Variants in ARMC3 observed in about 807,000 individuals in gnomAD.
The protein encoded by ARMC3 is armadillo repeat containing 3.
ARMC3 carries 74 observed loss-of-function variants against 90.3 expected under a neutral mutation model. That is an observed-to-expected ratio of 0.82 (90% CI 0.68 to 0.99). The LOEUF (loss-of-function observed/expected upper bound fraction) is 0.99. Among genes scored for constraint, ARMC3 ranks in the 50% least tolerant of loss-of-function variants. The pLI, the probability that ARMC3 is intolerant of heterozygous loss-of-function variation, is 0.00. For synonymous variants in ARMC3, 334 were observed against 361.8 expected (o/e 0.92, Z 0.87); for missense variants, 958 against 1,042.8 (o/e 0.92, Z 1.12).
intron 16 of ARMC3, chr10:23,013,961 T>C: frequency 1.2e-6 from 1 of 851,086 alleles, no homozygotes; most frequent in East Asian, 3.0e-5. Flanking sequence ...ACTTTAATTA[T>C]TGAATGCTGT....
At chr10:22,937,527 G>T (rs1834158019) in intron 2 of ARMC3, among the ~76,000 whole-genome samples, 1 of 152,182 alleles carries the variant, frequency 6.6e-6, no homozygotes, top group African/African-American at 2.4e-5. Flanking sequence ...AAGTGGTGAA[G>T]ATGATCTAAG....
At chr10:22,990,250 C>A (rs1836643935) in intron 10 of ARMC3, among the ~76,000 whole-genome samples, 1 of 151,934 alleles carries the variant, frequency 6.6e-6, no homozygotes, top group Non-Finnish European at 1.5e-5. Flanking sequence ...TTAATCATTT[C>A]TCTTGATTTT....
intron 10 of ARMC3, chr10:22,997,238 A>G (rs957938835): frequency 6.6e-6 from 1 of 152,224 alleles, no homozygotes; most frequent in Non-Finnish European, 1.5e-5. Context: ...ACTGATTTAA[A>G]AATAAGGACA....
At chr10:23,008,528 T>A (rs938432514) in intron 15 of ARMC3, among the ~76,000 whole-genome samples, 154 bp downstream of exon 15, 1 of 152,204 alleles carries the variant, frequency 6.6e-6, no homozygotes, top group Non-Finnish European at 1.5e-5. Context: ...ATGGGAAAGA[T>A]CTCTGGAATA....
At position 22,982,844 on chromosome 10, in the gene ARMC3, T is replaced by C. The variant is rs138804993; in HGVS notation, c.1175+1144T>C. 8.9e-4 allele frequency among the ~76,000 whole-genome samples: 135 copies of C among 152,356 alleles called. No homozygotes were observed. In the Middle Eastern group the frequency reaches 0.01, roughly 12 times the overall value. On this transcript the variant is annotated intron_variant, in intron 10 of 18. Coordinates refer to ENST00000298032, the MANE Select transcript of ARMC3 (RefSeq NM_173081.5). ...CCCTCTGCCTCCATCACATACTTAA[T>C]AGTTCTTAGCCTTTCTTTCCCTTTC...
intron 8 of ARMC3, among the ~76,000 whole-genome samples, chr10:22,980,822 A>G (rs2131334733): frequency 6.6e-6 from 1 of 152,350 alleles, no homozygotes; most frequent in South Asian, 2.1e-4. Flanking sequence ...TTGATATAAG[A>G]CTATAAATTT....
At chr10:23,025,616 T>G (rs1186929678) in intron 16 of ARMC3, among the ~76,000 whole-genome samples, 1 of 152,104 alleles carries the variant, frequency 6.6e-6, no homozygotes, top group Non-Finnish European at 1.5e-5. Context: ...GAAAATCTAT[T>G]GTACTAAATG....
rs776371010 is a variant in ARMC3 at position 23,008,829 on chromosome 10, AT to A, written c.1947del (p.Phe649LeufsTer9). On this transcript the variant is annotated frameshift_variant, in exon 16 of 19. Coordinates refer to ENST00000298032, the MANE Select transcript of ARMC3 (RefSeq NM_173081.5). ...CAAATGACAAGAAAAAATAGTTATC[AT>A]TTTAGTGCTGGATTTGGATCTCCCA... ...SKEKNKKNSY[H>X]FSAGFGSPIE... 1 of 1,612,392 alleles carries A rather than the reference AT, an allele frequency of 6.2e-7. No individual in the cohort carries two copies. The highest frequency in any genetic ancestry group is 8.5e-7 in the Non-Finnish European group (1 of 1,178,940).
intron 2 of ARMC3, among the ~76,000 whole-genome samples, chr10:22,939,936 C>A (rs1399580120): frequency 6.6e-6 from 1 of 152,154 alleles, no homozygotes. Context: ...CCAACCATAT[C>A]AACAACCACA....
At chr10:23,031,469 G>A (rs115449341) in intron 17 of ARMC3, among the ~76,000 whole-genome samples, 2,256 of 152,316 alleles carry the variant, frequency 0.015, 50 homozygotes, top group African/African-American at 0.051. Flanking sequence ...TGCAACAGCT[G>A]CAGCCTCCAT....
chr10:22,968,821 A>T (rs1835558354), intron 8 of ARMC3, among the ~76,000 whole-genome samples: 2 of 152,184 alleles, frequency 1.3e-5, no homozygotes, highest in Non-Finnish European at 2.9e-5. Flanking sequence ...AACATATATA[A>T]TTCCTCTTGT....
chr10:22,993,736 G>T (rs966678474), intron 10 of ARMC3, among the ~76,000 whole-genome samples: 2 of 152,204 alleles, frequency 1.3e-5, no homozygotes, highest in Non-Finnish European at 2.9e-5. Context: ...CTTTGCAGAG[G>T]AAGGGACAGG....
intron 3 of ARMC3, among the ~76,000 whole-genome samples, chr10:22,954,053 G>C (rs1331807251): frequency 6.6e-6 from 1 of 152,164 alleles, no homozygotes. Context: ...TTTGATTACA[G>C]CAATCCTTGT....
chr10:23,017,510 A>C (rs1434325083), intron 16 of ARMC3, among the ~76,000 whole-genome samples: 1 of 152,238 alleles, frequency 6.6e-6, no homozygotes, highest in Non-Finnish European at 1.5e-5. Flanking sequence ...CACACCTGTA[A>C]TCCCAACACT....
intron 3 of ARMC3, chr10:22,955,109 T>C (rs1834877328): frequency 1.3e-5 from 2 of 152,208 alleles, no homozygotes; most frequent in African/African-American, 4.8e-5. Context: ...CCTCAACAGA[T>C]TGGATATTGC....
chr10:23,008,033 G>A (rs1236596711), intron 14 of ARMC3, among the ~76,000 whole-genome samples: 1 of 152,160 alleles, frequency 6.6e-6, no homozygotes, highest in Non-Finnish European at 1.5e-5. Flanking sequence ...GAGCCCCGGA[G>A]GTCAAGGCTG....
intron 2 of ARMC3, 133 bp downstream of exon 2, chr10:22,932,177 G>C (rs1833958343): frequency 1.6e-5 from 9 of 578,764 alleles, no homozygotes; most frequent in South Asian, 3.1e-5. Flanking sequence ...CTAATGATAA[G>C]ATTAGTCAGA....
At chr10:23,007,752 C>G (rs12261136) in intron 14 of ARMC3, among the ~76,000 whole-genome samples, 12,294 of 149,622 alleles carry the variant, frequency 0.082, 1,290 homozygotes, top group African/African-American at 0.24. Context: ...ATCTATATAT[C>G]CATATAGTAG....
At chr10:22,963,117 A>G (rs1835273761) in intron 7 of ARMC3, among the ~76,000 whole-genome samples, 1 of 152,084 alleles carries the variant, frequency 6.6e-6, no homozygotes, top group Admixed American at 6.6e-5. Flanking sequence ...CTGATATTTT[A>G]CCTGTCTTCT....
Sources: gnomAD v4.1 joint callset for allele counts (sites outside exome capture counted in the v4.1 genomes callset) on GRCh38, gnomAD v4.1.1 for gene constraint, MANE v1.5 for transcripts, NCBI Gene and HGNC (gene_info 2026-07-23, HGNC 2026-07-21) for gene names.